NCKAP1L: variants seen among roughly 807,000 people sequenced by gnomAD.
NCKAP1L encodes NCK associated protein 1 like, also known as nck-associated protein 1-like.
Under a neutral mutation model 139.2 loss-of-function variants are expected in NCKAP1L, and 53 were observed. The ratio of observed to expected loss-of-function variants is 0.38; its 90% CI spans 0.31 to 0.48. The LOEUF (loss-of-function observed/expected upper bound fraction) is 0.48. Ranked by LOEUF, NCKAP1L falls within the 20% of genes least tolerant of loss-of-function variation. The probability of loss-of-function intolerance (pLI) is 0.98; values close to 1 mark genes in which losing one functional copy is unlikely to be tolerated. For missense variants in NCKAP1L, 1,151 were observed against 1,381.9 expected (o/e 0.83, Z 2.65); for synonymous variants, 468 against 499.7 (o/e 0.94, Z 0.85).
chr12:54,522,407 G>A (rs1048171426), intron 18 of NCKAP1L, among the ~76,000 whole-genome samples: 1 of 152,208 alleles, frequency 6.6e-6, no homozygotes, highest in African/African-American at 2.4e-5. Flanking sequence ...AAAACATGAT[G>A]CGAATAATTT....
At chr12:54,538,854 A>G (rs1209387880) in intron 29 of NCKAP1L, 30 bp from the exon 30 acceptor site, 1 of 1,588,392 alleles carries the variant, frequency 6.3e-7, no homozygotes, top group Non-Finnish European at 8.6e-7. Flanking sequence ...ACCTGTATAA[A>G]AATCTGCTTT....
chr12:54,499,073 G>A (rs1336116069), intron 1 of NCKAP1L, among the ~76,000 whole-genome samples: 1 of 151,926 alleles, frequency 6.6e-6, no homozygotes, highest in African/African-American at 2.4e-5. Context: ...CTACAGTTGT[G>A]CACCACCATG....
Position 54,542,849 on chromosome 12 carries a change from G to T in NCKAP1L, c.*164G>T. On this transcript the variant is annotated 3_prime_UTR_variant, in exon 31 of 31. Coordinates refer to ENST00000293373, the MANE Select transcript of NCKAP1L (RefSeq NM_005337.5). ...CAGATCTGTGGAAGAACAATCCAGG[G>T]CTGAGAAATCGTAGAGCAGTGAGGC... The T allele has an allele frequency of 3.5e-6, 2 of 565,228 alleles. No homozygotes were observed. Among genetic ancestry groups the T allele is most frequent in the South Asian group, 4.9e-5 (2 of 41,226 alleles). The allele number at this position is 565,228 out of a possible 1,614,324, so 35.0% of individuals were successfully genotyped here. A position where few individuals can be genotyped will look rare whatever the true frequency, so the allele number is the denominator to read the frequency against.
intron 11 of NCKAP1L, 71 bp downstream of exon 11, chr12:54,517,063 C>A (rs112042987): frequency 5.3e-6 from 7 of 1,330,368 alleles, no homozygotes; most frequent in Non-Finnish European, 7.5e-6. Context: ...GTGGCACTCA[C>A]GAGATTTTGC....
At chr12:54,528,479 T>A in intron 22 of NCKAP1L, 102 bp downstream of exon 22, 1 of 1,415,404 alleles carries the variant, frequency 7.1e-7, no homozygotes, top group East Asian at 2.4e-5. Context: ...GCAAAAGTAA[T>A]TTTTGCAATT....
rs781452377 is a variant in NCKAP1L, at chr12:54,516,925, T to A, written c.1028T>A (p.Phe343Tyr). ...CAGTTTCATTGTCAACGGCGGCAAT[T>A]TCTGCGGATGGCAGTGAAGGAGCTG... ...SGQFHCQRRQ[F>Y]LRMAVKELET... Residue 343 changes from phenylalanine to tyrosine, a missense_variant, in exon 11 of 31, where the codon TTT becomes TAT. Physicochemically the swap from Phe to Tyr is conservative, Grantham distance 22. Transcript: ENST00000293373. 3 of 1,612,842 alleles carry A rather than the reference T, an allele frequency of 1.9e-6. No individual in the cohort carries two copies. In the South Asian group the frequency reaches 3.3e-5, roughly 18 times the overall value.
rs1184656748 is a variant in NCKAP1L, at chr12:54,520,759, A to G, written c.1691A>G (p.Tyr564Cys). Residue 564 changes from tyrosine (Y) to cysteine (C), a missense_variant, in exon 17 of 31, where the codon TAT becomes TGT. Transcript: ENST00000293373. ...TTGGAGGAATCTGCCATGTTGCGTT[A>G]TGCCATTGCTTTCCCCCTGATTTGT... ...MTLEESAMLR[Y>C]AIAFPLICAH... is the part of the protein sequence containing the mutation. 6.2e-7 allele frequency: 1 copy of G among 1,613,966 alleles called. No individual in the cohort carries two copies. The highest frequency in any genetic ancestry group is 1.7e-5 in the Admixed American group (1 of 59,994).
chr12:54,516,281 T>A lies in NCKAP1L; in HGVS notation c.984T>A (p.His328Gln). 6.2e-7 allele frequency: 1 copy of A among 1,613,984 alleles called. No individual in the cohort carries two copies. The stretch of plus-strand genomic sequence containing the variant: ...CAGACATAAAGGAGAGCAAGGAACA[T>A]GTAATTGCAAACAGGTAAAGGGTGG... ...RVADIKESKEHVIANSGQFHC... is the reference protein window; with the variant it reads ...RVADIKESKEQVIANSGQFHC... Residue 328 changes from histidine (H) to glutamine (Q), a missense_variant, in exon 10 of 31, where the codon CAT becomes CAA. His to Gln is a conservative substitution (Grantham distance 24). Transcript: ENST00000293373.
Position 54,509,652 on chromosome 12 carries a change from C to T in NCKAP1L, c.507-17C>T, listed in dbSNP as rs1215816451. The stretch of plus-strand genomic sequence containing the variant: ...GGTAAGGGAGGGCTGTAACCCCTCT[C>T]CTCTGCTTTCTTCTAGTGACCCCAG... On this transcript the variant is annotated splice_polypyrimidine_tract_variant and intron_variant, in intron 5 of 30. Coordinates refer to ENST00000293373, the MANE Select transcript of NCKAP1L (RefSeq NM_005337.5). The T allele has an allele frequency of 1.3e-6, 2 of 1,585,188 alleles. No homozygotes were observed. The highest frequency in any genetic ancestry group is 1.7e-6 in the Non-Finnish European group (2 of 1,153,696).
rs752294803 is a variant in NCKAP1L, at chr12:54,512,072, A to G, written c.908A>G (p.Lys303Arg). 3.7e-5 allele frequency: 60 copies of G among 1,614,062 alleles called. 1 individual carries two copies. The South Asian group carries it at 6.5e-4, about 17-fold the overall frequency. The change falls in exon 9 of 31, where the codon AAA (lysine) becomes AGA (arginine). Residue 303 changes from lysine to arginine, a missense_variant. Transcript: ENST00000293373. ...LIREDVLQVH[K>R]VTEDLFSSLK... ...CGTGAGGATGTGCTGCAGGTGCACAAAGTCACCGAGGACCTGTTTAGCAGT... is the reference window on the plus strand; with the variant it reads ...CGTGAGGATGTGCTGCAGGTGCACAGAGTCACCGAGGACCTGTTTAGCAGT...
chr12:54,526,354 T>C (rs1339200647), intron 20 of NCKAP1L, among the ~76,000 whole-genome samples, 174 bp from the exon 21 acceptor site: 1 of 152,180 alleles, frequency 6.6e-6, no homozygotes, highest in Admixed American at 6.5e-5. Context: ...TCCTCATCTA[T>C]AAAAATGAGG....
At position 54,523,786 on chromosome 12, in the gene NCKAP1L, A is replaced by G. The variant is rs1280771432; in HGVS notation, c.2025-39A>G. On this transcript the variant is annotated intron_variant, in intron 19 of 30. Transcript: ENST00000293373. ...ACGTCCTTCCTAGACATTAGCAGGC[A>G]GTGCCAGACCTGTAATCCAGGCTCA... 5 of 1,595,132 alleles carry G rather than the reference A, an allele frequency of 3.1e-6. No homozygotes were observed. In the East Asian group the frequency reaches 8.9e-5, roughly 28 times the overall value.
intron 22 of NCKAP1L, among the ~76,000 whole-genome samples, chr12:54,528,797 TTA>T (rs71444855): frequency 0.29 from 43,383 of 150,618 alleles, 6,713 homozygotes; most frequent in African/African-American, 0.36. Flanking sequence ...GACTAATTTT[TTA>T]TATATATATA....
chr12:54,518,341 C>CA (rs200424208), intron 13 of NCKAP1L, among the ~76,000 whole-genome samples: 3,056 of 118,332 alleles, frequency 0.026, 72 homozygotes, highest in East Asian at 0.089. Context: ...GACTCTGTCT[C>CA]AAAAAAAAAA....
chr12:54,537,650 C>T (rs1289716426), intron 29 of NCKAP1L, among the ~76,000 whole-genome samples: 1 of 152,160 alleles, frequency 6.6e-6, no homozygotes, highest in Non-Finnish European at 1.5e-5. Context: ...TGATCAATGA[C>T]TACTTCTCAA....
At chr12:54,497,951 T>G in intron 1 of NCKAP1L, 60 bp downstream of exon 1, 1 of 1,109,024 alleles carries the variant, frequency 9.0e-7, no homozygotes, top group Non-Finnish European at 1.4e-6. Flanking sequence ...CAGGGAACCC[T>G]GAGGCGGCAG....
In NCKAP1L at chr12:54,527,338, A is replaced by C. The variant is rs1323627987; in HGVS notation, c.2375+592A>C. 2.0e-5 allele frequency among the ~76,000 whole-genome samples: 3 copies of C among 152,224 alleles called. No individual in the cohort carries two copies. In the East Asian group the frequency reaches 5.8e-4, roughly 29 times the overall value. On this transcript the variant is annotated intron_variant, in intron 21 of 30. Transcript: ENST00000293373. ...ATCAGCTCAGTAGGCGACAGGCTGC[A>C]AAGAAGAACCCCCCAGAACAAGGGG...
intron 2 of NCKAP1L, 71 bp from the exon 3 acceptor site, chr12:54,500,462 T>G: frequency 2.8e-6 from 3 of 1,084,612 alleles, no homozygotes; most frequent in Non-Finnish European, 4.3e-6. Flanking sequence ...TAACCACTGT[T>G]CTTCTTGAGT....
chr12:54,502,823 C>CAAAAAAAAAAAAAAAAAAAAAA (rs780466592), intron 3 of NCKAP1L, among the ~76,000 whole-genome samples: 1 of 57,958 alleles, frequency 1.7e-5, no homozygotes, highest in Non-Finnish European at 3.0e-5. Context: ...CCCATCTACA[C>CAAAAAAAAAAAAAAAAAAAAAA]AAAAAAAAAA....
Sources: allele counts gnomAD v4.1 joint callset (sites outside exome capture counted in the v4.1 genomes callset), GRCh38; gene constraint gnomAD v4.1.1; transcripts MANE v1.5; gene names NCBI Gene and HGNC (gene_info 2026-07-23, HGNC 2026-07-21).